BMF: variants seen among roughly 807,000 people sequenced by gnomAD.
BMF encodes the protein Bcl2 modifying factor.
BMF carries 10 observed loss-of-function variants against 22.0 expected under a neutral mutation model. The observed-to-expected ratio is 0.45, with a 90% CI of 0.28 to 0.77. BMF has a LOEUF of 0.77. BMF is among the 30% of genes least tolerant of loss of function. The pLI, the probability that BMF is intolerant of heterozygous loss-of-function variation, is 0.13. For missense variants in BMF, 206 were observed against 226.8 expected (o/e 0.91, Z 0.59); for synonymous variants, 87 against 88.1 (o/e 0.99, Z 0.07).
intron 4 of BMF, among the ~76,000 whole-genome samples, chr15:40,103,694 A>G (rs1027615353): frequency 1.3e-5 from 2 of 152,186 alleles, no homozygotes; most frequent in South Asian, 2.1e-4. Flanking sequence ...CCCCAGCTGG[A>G]AAGTGTCAGG....
At position 40,105,806 on chromosome 15, in the gene BMF, C is replaced by A. The variant is rs575806674; in HGVS notation, c.281G>T (p.Arg94Leu). The A allele has an allele frequency of 6.2e-7, 1 of 1,606,900 alleles. No homozygotes were observed. The highest frequency in any genetic ancestry group is 8.5e-7 in the Non-Finnish European group (1 of 1,175,960). ...LPCGVTEEPQ[R>L]LFYGNAGYRL... ...CTGAGAGCACTCACCATAAAAGAGT[C>A]GCTGGGGTTCCTCAGTCACCCCACA... The change falls in exon 3 of 5, where the codon CGA (arginine) becomes CTA (leucine). Residue 94 changes from arginine to leucine, a missense_variant. Physicochemically the swap from Arg to Leu is moderately radical, Grantham distance 102 (BLOSUM62 -2). Transcript: ENST00000354670.
At chr15:40,095,098 G>A (rs1489480721) in intron 4 of BMF, among the ~76,000 whole-genome samples, 1 of 152,228 alleles carries the variant, frequency 6.6e-6, no homozygotes. Flanking sequence ...TGTCAGCTGA[G>A]TGTAGGGCCT....
At chr15:40,099,715 T>C (rs1438226133) in intron 4 of BMF, among the ~76,000 whole-genome samples, 2 of 148,296 alleles carry the variant, frequency 1.3e-5, no homozygotes, top group Non-Finnish European at 3.0e-5. Flanking sequence ...GAGGCAGAGG[T>C]TGCAGTGAGC....
intron 4 of BMF, among the ~76,000 whole-genome samples, chr15:40,093,387 G>A (rs950123628): frequency 2.0e-4 from 30 of 152,364 alleles, no homozygotes; most frequent in Admixed American, 9.8e-4. Context: ...GAAATCGGGC[G>A]TGCCACAGAA....
chr15:40,107,170 G>A (rs1038780413), intron 2 of BMF, among the ~76,000 whole-genome samples: 1 of 152,172 alleles, frequency 6.6e-6, no homozygotes, highest in Admixed American at 6.6e-5. Context: ...ACTGCTTAGG[G>A]CCCCTGCAGC....
chr15:40,094,313 G>A (rs1369117824), intron 4 of BMF, among the ~76,000 whole-genome samples: 2 of 152,338 alleles, frequency 1.3e-5, no homozygotes, highest in East Asian at 3.9e-4. Context: ...GCCAGAGAGT[G>A]CTTTCAGACA....
Position 40,105,988 on chromosome 15 carries a change from G to C in BMF, c.99C>G (p.Asp33Glu). ...VTQPGSLLSA[D>E]LFAQSLLDCP... ...AGTCCAGTAGGCTCTGGGCAAACAG[G>C]TCAGCAGAGAGCAAGCTCCCGGGTT... is the stretch of plus-strand genomic sequence containing the variant. The change falls in exon 3 of 5, where the codon GAC (aspartate) becomes GAG (glutamate). Residue 33 changes from aspartate (D) to glutamate (E), a missense_variant. By Grantham distance (45) the Asp-to-Glu change is conservative (BLOSUM62 2). Coordinates refer to ENST00000354670, the MANE Select transcript of BMF (RefSeq NM_001003940.2). 6.2e-7 allele frequency: 1 copy of C among 1,614,070 alleles called. No individual in the cohort carries two copies. Among genetic ancestry groups the C allele is most frequent in the Non-Finnish European group, 8.5e-7 (1 of 1,180,026 alleles).
chr15:40,089,366 C>G lies in BMF; in HGVS notation c.*2421G>C, dbSNP rs1030288788. 2 of 152,464 alleles carry G rather than the reference C, an allele frequency of 1.3e-5. No individual in the cohort carries two copies. The highest frequency in any genetic ancestry group is 3.9e-4 in the East Asian group (2 of 5,184). The allele number at this position is 152,464 out of a possible 1,614,324, so 9.4% of individuals were successfully genotyped here. ...TCCTTCCTGACAGCTACTCTGCCAG[C>G]TACCTCCTGGGTTTTGTTGGTGGGG... On this transcript the variant is annotated 3_prime_UTR_variant, in exon 5 of 5. Transcript: ENST00000354670.
At chr15:40,103,621 C>CCGA (rs1292135390) in intron 4 of BMF, among the ~76,000 whole-genome samples, 4 of 152,234 alleles carry the variant, frequency 2.6e-5, no homozygotes, top group African/African-American at 9.6e-5. Context: ...GGGAGCCTCT[C>CCGA]CGAGGTACAC....
intron 4 of BMF, among the ~76,000 whole-genome samples, chr15:40,099,832 G>A (rs1225116522): frequency 6.9e-6 from 1 of 145,248 alleles, no homozygotes; most frequent in African/African-American, 2.6e-5. Flanking sequence ...ATTTGCCCAC[G>A]AACACATAAC....
chr15:40,102,581 G>A (rs2141039762), intron 4 of BMF, among the ~76,000 whole-genome samples: 1 of 152,248 alleles, frequency 6.6e-6, no homozygotes, highest in East Asian at 1.9e-4. Flanking sequence ...ACCAGTGGAT[G>A]GGGGAATATT....
Position 40,092,453 on chromosome 15 carries a change from T to TCACACACACACA in BMF, c.454-577_454-566dup, listed in dbSNP as rs34626523. 2.1e-4 allele frequency among the ~76,000 whole-genome samples: 31 copies of TCACACACACACA among 148,716 alleles called. No homozygotes were observed. The East Asian group carries it at 5.5e-3, about 27-fold the overall frequency. On this transcript the variant is annotated intron_variant, in intron 4 of 4. Coordinates refer to ENST00000354670, the MANE Select transcript of BMF (RefSeq NM_001003940.2). ...AGTGCAAACACGCACACACACAGAC[T>TCACACACACACA]CACACACACACACACACACACACCC...
intron 2 of BMF, among the ~76,000 whole-genome samples, chr15:40,107,585 G>C (rs1036054239): frequency 2.7e-5 from 4 of 146,692 alleles, no homozygotes; most frequent in African/African-American, 1.0e-4. Flanking sequence ...TATGGGGAGG[G>C]GGGTGAGGTG....
At chr15:40,091,971 A>T in intron 4 of BMF, 83 bp from the exon 5 acceptor site, 1 of 1,065,008 alleles carries the variant, frequency 9.4e-7, no homozygotes, top group South Asian at 1.4e-5. Flanking sequence ...GTAAAAGTTC[A>T]GATCTCCAAG....
intron 4 of BMF, among the ~76,000 whole-genome samples, chr15:40,102,403 T>C (rs1450543405): frequency 1.9e-5 from 2 of 105,802 alleles, no homozygotes; most frequent in African/African-American, 7.6e-5. Flanking sequence ...CACTCCAGCC[T>C]GGGCGAAAGA....
intron 3 of BMF, among the ~76,000 whole-genome samples, chr15:40,105,026 C>A (rs966729984): frequency 6.6e-6 from 1 of 152,158 alleles, no homozygotes; most frequent in Non-Finnish European, 1.5e-5. Context: ...CCGCCTTATC[C>A]AACTTCTCAG....
At chr15:40,099,819 A>C (rs2036439637) in intron 4 of BMF, among the ~76,000 whole-genome samples, 2 of 151,234 alleles carry the variant, frequency 1.3e-5, no homozygotes, top group Non-Finnish European at 2.9e-5. Flanking sequence ...GAGAGATTAC[A>C]TGATTTGCCC....
At chr15:40,096,352 G>A (rs570221164) in intron 4 of BMF, among the ~76,000 whole-genome samples, 1 of 152,216 alleles carries the variant, frequency 6.6e-6, no homozygotes, top group East Asian at 1.9e-4. Context: ...GGGGCTCTGT[G>A]TGTCACCAGT....
chr15:40,093,927 A>G (rs777657199), intron 4 of BMF, among the ~76,000 whole-genome samples: 70 of 152,218 alleles, frequency 4.6e-4, no homozygotes, highest in Non-Finnish European at 5.4e-4. Flanking sequence ...TTTGAGGCAC[A>G]TTATCATGCC....
Sources: gnomAD v4.1 joint callset for allele counts (sites outside exome capture counted in the v4.1 genomes callset) on GRCh38, gnomAD v4.1.1 for gene constraint, MANE v1.5 for transcripts, NCBI Gene and HGNC (gene_info 2026-07-23, HGNC 2026-07-21) for gene names.